PCDHA7: variants seen among roughly 807,000 people sequenced by gnomAD.
PCDHA7 encodes the protein protocadherin alpha 7, also known as protocadherin alpha-7.
Under a neutral mutation model 57.2 loss-of-function variants are expected in PCDHA7, and 37 were observed. The ratio of observed to expected loss-of-function variants is 0.65; its 90% CI spans 0.50 to 0.85. The LOEUF (loss-of-function observed/expected upper bound fraction) is 0.85. PCDHA7 is among the 40% of genes least tolerant of loss of function. PCDHA7 has a pLI of 0.00. For missense variants in PCDHA7, 1,188 were observed against 1,241.8 expected, an observed-to-expected ratio of 0.96 and a Z score of 0.65; for synonymous variants, 553 against 558.8, an observed-to-expected ratio of 0.99 and a Z score of 0.15.
At chr5:140,998,779 G>T (rs782154283) in intron 3 of PCDHA7, among the ~76,000 whole-genome samples, 3 of 152,140 alleles carry the variant, frequency 2.0e-5, no homozygotes, top group Non-Finnish European at 4.4e-5. Context: ...GGTCAGGCTG[G>T]TCTGGAACCC....
chr5:140,979,807 A>T (rs376087021), intron 2 of PCDHA7, among the ~76,000 whole-genome samples: 2 of 152,258 alleles, frequency 1.3e-5, no homozygotes, highest in African/African-American at 4.8e-5. Flanking sequence ...CACAACTATC[A>T]AAAGGATTTA....
chr5:141,004,806 T>C (rs1326385428), intron 3 of PCDHA7, among the ~76,000 whole-genome samples: 1 of 152,196 alleles, frequency 6.6e-6, no homozygotes, highest in Non-Finnish European at 1.5e-5. Flanking sequence ...CTGAGCTCAA[T>C]TGCAGATTTG....
rs2150239462 is a variant in PCDHA7 at position 140,835,610 on chromosome 5, G to A, written c.1227G>A (p.Leu409=). The A allele has an allele frequency of 1.9e-6, 3 of 1,613,948 alleles. No individual in the cohort carries two copies. The highest frequency in any genetic ancestry group is 2.5e-6 in the Non-Finnish European group (3 of 1,179,894). Residue 409 remains leucine, a synonymous_variant, in exon 1 of 4, where the codon CTG becomes CTA. Transcript: ENST00000525929. ...STFKNYYSLV[L]DSALDRESVS... is the part of the protein sequence containing the mutation. ...TCAAGAATTACTATTCATTGGTGCT[G>A]GACAGCGCTCTGGACCGCGAGAGTG...
intron 3 of PCDHA7, among the ~76,000 whole-genome samples, chr5:140,990,073 GA>G (rs1319076601): frequency 2.6e-5 from 4 of 152,060 alleles, no homozygotes; most frequent in Non-Finnish European, 5.9e-5. Context: ...AAATAAGGGG[GA>G]CAAAGGATGC....
intron 1 of PCDHA7, among the ~76,000 whole-genome samples, chr5:140,902,728 C>T (rs1280424808): frequency 6.6e-6 from 1 of 151,858 alleles, no homozygotes; most frequent in Non-Finnish European, 1.5e-5. Flanking sequence ...ACCCTTCCCT[C>T]CAAGTCCCCC....
intron 1 of PCDHA7, among the ~76,000 whole-genome samples, chr5:140,975,701 T>A (rs2153808072): frequency 6.6e-6 from 1 of 152,358 alleles, no homozygotes; most frequent in East Asian, 1.9e-4. Flanking sequence ...AAACTTATTT[T>A]ACTTTAAATC....
intron 1 of PCDHA7, chr5:140,859,929 A>T (rs568538695): frequency 4.2e-4 from 64 of 152,162 alleles, no homozygotes; most frequent in African/African-American, 1.3e-3. Flanking sequence ...TAATATAAAA[A>T]ACTTAGTAAA....
At chr5:140,877,443 C>A (rs376417721) in intron 1 of PCDHA7, 2 of 1,613,726 alleles carry the variant, frequency 1.2e-6, no homozygotes, top group African/African-American at 2.7e-5. Flanking sequence ...ACGGTGAGCC[C>A]GCGCTGACGT....
At chr5:140,948,665 A>T (rs2094288381) in intron 1 of PCDHA7, among the ~76,000 whole-genome samples, 1 of 151,668 alleles carries the variant, frequency 6.6e-6, no homozygotes. Flanking sequence ...ATCTGTAGTG[A>T]TAACATCTTT....
rs2150370274 is a variant in PCDHA7 at position 140,844,311 on chromosome 5, T to C, written c.2355+7573T>C. Among the ~76,000 whole-genome samples, 61 of 149,790 alleles carry C rather than the reference T, an allele frequency of 4.1e-4. 5 individuals carry two copies. The highest frequency in any genetic ancestry group is 7.6e-4 in the Non-Finnish European group (51 of 66,820). On this transcript the variant is annotated intron_variant, in intron 1 of 3. Transcript: ENST00000525929. ...CAAAATTTGATAGTTTTCATATTCT[T>C]CCTAATTTTATTATAAACTAGTTAA...
intron 1 of PCDHA7, chr5:140,870,564 G>T (rs782511789): frequency 1.2e-6 from 2 of 1,613,884 alleles, no homozygotes; most frequent in Non-Finnish European, 1.7e-6. Context: ...AGGAGAACGC[G>T]CTGGTGTCCT....
chr5:140,898,881 A>G (rs1472274164), intron 1 of PCDHA7, among the ~76,000 whole-genome samples: 1 of 152,102 alleles, frequency 6.6e-6, no homozygotes, highest in Non-Finnish European at 1.5e-5. Context: ...AGTGGTTTGT[A>G]GTTCTCCTTG....
At chr5:141,005,184 A>G (rs964423938) in intron 3 of PCDHA7, among the ~76,000 whole-genome samples, 27 of 152,196 alleles carry the variant, frequency 1.8e-4, no homozygotes, top group Non-Finnish European at 3.7e-4. Flanking sequence ...CACTTCTCAC[A>G]TCAGTCCTTT....
intron 1 of PCDHA7, chr5:140,968,789 G>T (rs782339889): frequency 1.9e-6 from 3 of 1,614,180 alleles, no homozygotes; most frequent in South Asian, 1.1e-5. Flanking sequence ...AGCCTCTGTG[G>T]CCATTACAGT....
chr5:140,845,922 T>C (rs2150382652), intron 1 of PCDHA7, among the ~76,000 whole-genome samples: 7 of 149,894 alleles, frequency 4.7e-5, no homozygotes, highest in African/African-American at 7.3e-5. Flanking sequence ...CTTATTTTTG[T>C]GTAAAACTAT....
At chr5:140,875,992 C>T in intron 1 of PCDHA7, 2 of 1,613,870 alleles carry the variant, frequency 1.2e-6, no homozygotes, top group African/African-American at 1.3e-5. Flanking sequence ...TGCGTTAAGT[C>T]TAAATGAGAA....
intron 1 of PCDHA7, among the ~76,000 whole-genome samples, chr5:140,938,625 T>G (rs2092136082): frequency 6.6e-6 from 1 of 152,220 alleles, no homozygotes; most frequent in African/African-American, 2.4e-5. Flanking sequence ...AAACTCAGGT[T>G]GCTTATGATG....
At chr5:140,970,408 A>G (rs1292683019) in intron 1 of PCDHA7, among the ~76,000 whole-genome samples, 1 of 152,202 alleles carries the variant, frequency 6.6e-6, no homozygotes, top group Admixed American at 6.5e-5. Context: ...GGCTTACCCT[A>G]CAGTAAGGTG....
intron 1 of PCDHA7, among the ~76,000 whole-genome samples, chr5:140,969,910 A>G (rs1364534841): frequency 9.9e-5 from 15 of 152,216 alleles, no homozygotes; most frequent in African/African-American, 3.6e-4. Context: ...GTCACAAGTG[A>G]TAAAGCTGTA....
Sources: allele counts gnomAD v4.1 joint callset (sites outside exome capture counted in the v4.1 genomes callset), GRCh38; gene constraint gnomAD v4.1.1; transcripts MANE v1.5; gene names NCBI Gene and HGNC (gene_info 2026-07-23, HGNC 2026-07-21).